Variants in TTC39B observed in about 807,000 individuals in gnomAD.
The protein encoded by TTC39B is tetratricopeptide repeat domain 39B.
In TTC39B, 92 loss-of-function variants were observed where a neutral mutation model predicts 96.6. The ratio of observed to expected loss-of-function variants is 0.95; its 90% CI spans 0.80 to 1.13. The LOEUF (loss-of-function observed/expected upper bound fraction) is 1.13. Ranked by LOEUF, TTC39B falls within the 50% of genes most tolerant of loss-of-function variation. The probability of loss-of-function intolerance (pLI) is 0.00; values close to 1 mark genes in which losing one functional copy is unlikely to be tolerated. For missense variants in TTC39B, 955 were observed against 809.3 expected (o/e 1.18, Z -2.18); for synonymous variants, 367 against 299.4 (o/e 1.23, Z -2.33).
In TTC39B at chr9:15,217,026, T is replaced by C. The variant is rs576896554; in HGVS notation, c.372-2777A>G. Among the ~76,000 whole-genome samples the C allele has an allele frequency of 2.6e-5, 4 of 152,230 alleles. No individual in the cohort carries two copies. In the East Asian group the frequency reaches 5.8e-4, roughly 22 times the overall value. ...AAGGTGACATCCAATTGCTGTATAA[T>C]GGAGCCAGCGATGGGAATATCTAGG... On this transcript the variant is annotated intron_variant, in intron 3 of 19. Transcript: ENST00000512701.
At chr9:15,196,706 A>G (rs1819191503) in intron 8 of TTC39B, among the ~76,000 whole-genome samples, 1 of 152,248 alleles carries the variant, frequency 6.6e-6, no homozygotes, top group Non-Finnish European at 1.5e-5. Context: ...AAATGACAAC[A>G]AAGGATTTGG....
At chr9:15,200,557 G>C (rs535041543) in intron 7 of TTC39B, among the ~76,000 whole-genome samples, 10 of 152,276 alleles carry the variant, frequency 6.6e-5, no homozygotes, top group African/African-American at 2.2e-4. Flanking sequence ...TAGATGAATG[G>C]CATTTTCAGG....
At chr9:15,215,824 A>C (rs558772708) in intron 3 of TTC39B, among the ~76,000 whole-genome samples, 3 of 152,294 alleles carry the variant, frequency 2.0e-5, no homozygotes, top group African/African-American at 7.2e-5. Flanking sequence ...AGACCATGCC[A>C]CTGCACTCCA....
intron 1 of TTC39B, among the ~76,000 whole-genome samples, chr9:15,287,239 G>A (rs1207345390): frequency 6.6e-6 from 1 of 152,172 alleles, no homozygotes; most frequent in Non-Finnish European, 1.5e-5. Flanking sequence ...AGCGTACATG[G>A]CTAAAACACT....
intron 19 of TTC39B, among the ~76,000 whole-genome samples, chr9:15,173,810 C>G (rs1027587820): frequency 2.0e-5 from 3 of 152,128 alleles, no homozygotes; most frequent in Admixed American, 1.3e-4. Context: ...CGCCAACTTG[C>G]CATCTACCTA....
At position 15,190,666 on chromosome 9, in the gene TTC39B, T is replaced by C. The variant is rs964960681; in HGVS notation, c.997-4A>G. On this transcript the variant is annotated splice_polypyrimidine_tract_variant and splice_region_variant and intron_variant, in intron 10 of 19. Transcript: ENST00000512701. ...GTAACTGCAGGAGGCCCAACTCCTA[T>C]GGGAATTAAATGCATTTTTAGAAAG... 1.9e-6 allele frequency: 3 copies of C among 1,611,160 alleles called. No individual in the cohort carries two copies. The highest frequency in any genetic ancestry group is 2.2e-5 in the East Asian group (1 of 44,874).
chr9:15,295,568 A>C (rs926814129), intron 1 of TTC39B, among the ~76,000 whole-genome samples: 1 of 152,234 alleles, frequency 6.6e-6, no homozygotes, highest in African/African-American at 2.4e-5. Flanking sequence ...ATATTTCAAC[A>C]TACTGAAATG....
intron 1 of TTC39B, among the ~76,000 whole-genome samples, chr9:15,295,117 A>C (rs1824326252): frequency 6.6e-6 from 1 of 152,186 alleles, no homozygotes; most frequent in African/African-American, 2.4e-5. Flanking sequence ...AAGGCTTACA[A>C]TACATTACAA....
At chr9:15,182,695 ATT>A (rs1818311468) in intron 16 of TTC39B, among the ~76,000 whole-genome samples, 1 of 152,228 alleles carries the variant, frequency 6.6e-6, no homozygotes, top group Admixed American at 6.5e-5. Context: ...AGAAATAAAT[ATT>A]TTAAACCGAT....
chr9:15,307,129 C>A, exon 1 of TTC39B: 1 of 1,609,450 alleles, frequency 6.2e-7, no homozygotes, highest in Non-Finnish European at 8.5e-7. Flanking sequence ...GCGCCATATT[C>A]CTCCTCTGGC....
chr9:15,306,559 C>T lies in TTC39B; in HGVS notation c.240+525G>A, dbSNP rs1824760332. Reference sequence around the variant, plus strand: ...TGGCAGCCCTGCCCTGCTGTCGCGGCAGGTACCCCTCTACTCATTGTTCCT... The same window carrying T: ...TGGCAGCCCTGCCCTGCTGTCGCGGTAGGTACCCCTCTACTCATTGTTCCT... On this transcript the variant is annotated intron_variant, in intron 1 of 19. Coordinates refer to ENST00000512701, the Ensembl canonical transcript of TTC39B. This position sits in a 1 kb window ranked among gnomAD's most constrained non-coding sequence, Gnocchi z 5.1. Among the ~76,000 whole-genome samples the T allele has an allele frequency of 6.6e-6, 1 of 152,202 alleles. No homozygotes were observed. Among genetic ancestry groups the T allele is most frequent in the Non-Finnish European group, 1.5e-5 (1 of 68,030 alleles).
chr9:15,172,782 A>G (rs182560476), intron 19 of TTC39B, among the ~76,000 whole-genome samples: 1 of 152,258 alleles, frequency 6.6e-6, no homozygotes, highest in East Asian at 1.9e-4. Flanking sequence ...TGGGTGAGCT[A>G]TAACTGCTTT....
At chr9:15,279,420 T>TG (rs1176270722) in intron 1 of TTC39B, among the ~76,000 whole-genome samples, 1 of 152,094 alleles carries the variant, frequency 6.6e-6, no homozygotes, top group Non-Finnish European at 1.5e-5. Context: ...AATCCTATAA[T>TG]GGGGGAGAGA....
intron 1 of TTC39B, among the ~76,000 whole-genome samples, chr9:15,288,267 C>G (rs543867406): frequency 6.6e-5 from 10 of 152,234 alleles, no homozygotes; most frequent in African/African-American, 2.4e-4. Flanking sequence ...CCTGGAAACC[C>G]GCAGCCCTAA....
At chr9:15,259,928 C>T (rs931121313) in intron 2 of TTC39B, among the ~76,000 whole-genome samples, 1 of 151,980 alleles carries the variant, frequency 6.6e-6, no homozygotes, top group Non-Finnish European at 1.5e-5. Flanking sequence ...AGTGGATGCC[C>T]CAGCTAAGAG....
intron 2 of TTC39B, among the ~76,000 whole-genome samples, chr9:15,241,442 T>G (rs778779927): frequency 1.8e-4 from 28 of 152,168 alleles, no homozygotes; most frequent in Non-Finnish European, 3.5e-4. Flanking sequence ...GAATGCCATA[T>G]TCCAGGCATG....
At chr9:15,197,876 A>T (rs568772291) in intron 8 of TTC39B, among the ~76,000 whole-genome samples, 1 of 152,330 alleles carries the variant, frequency 6.6e-6, no homozygotes, top group Admixed American at 6.5e-5. Flanking sequence ...TCGACTCAGA[A>T]TACTATAGTT....
At chr9:15,185,340 C>T in exon 16 of TTC39B, 2 of 1,613,914 alleles carry the variant, frequency 1.2e-6, no homozygotes, top group Non-Finnish European at 8.5e-7. Flanking sequence ...GCCGAGCCTT[C>T]CTCACAGCAA....
At chr9:15,224,102 C>T (rs1820993094) in intron 3 of TTC39B, among the ~76,000 whole-genome samples, 1 of 152,084 alleles carries the variant, frequency 6.6e-6, no homozygotes, top group African/African-American at 2.4e-5. Context: ...ACCCTTCTCC[C>T]ACTCCTTCTA....
Sources: allele counts gnomAD v4.1 joint callset (sites outside exome capture counted in the v4.1 genomes callset), GRCh38; gene constraint gnomAD v4.1.1; non-coding constraint Gnocchi (gnomAD v3.1); transcripts MANE v1.5; gene names NCBI Gene and HGNC (gene_info 2026-07-23, HGNC 2026-07-21).